The following TRIM5 variants were observed in gnomAD, a reference collection of about 807,000 sequenced individuals.
The protein encoded by TRIM5 is tripartite motif containing 5, also known as tripartite motif-containing protein 5.
A neutral mutation model predicts 35.6 loss-of-function variants in TRIM5; 31 were observed. The ratio of observed to expected loss-of-function variants is 0.87; its 90% CI spans 0.65 to 1.18. The LOEUF (loss-of-function observed/expected upper bound fraction) is 1.18. TRIM5 is among the 50% of genes most tolerant of loss of function. The pLI, the probability that TRIM5 is intolerant of heterozygous loss-of-function variation, is 0.00. For synonymous variants in TRIM5, 243 were observed against 215.6 expected (o/e 1.13, Z -1.11); for missense variants, 609 against 591.6 (o/e 1.03, Z -0.31).
chr11:5,641,862 T>C, the TRIM5 span, among the ~76,000 whole-genome samples: 3 of 152,190 alleles, frequency 2.0e-5, no homozygotes, highest in African/African-American at 7.2e-5. Context: ...ACTTCTCCTT[T>C]GCCGAGTGTT....
Position 5,665,000 on chromosome 11 carries a change from CAG to C in TRIM5, c.1289_1290del (p.Ser430CysfsTer6). 6.2e-7 allele frequency: 1 copy of C among 1,614,088 alleles called. No individual in the cohort carries two copies. Among genetic ancestry groups the C allele is most frequent in the Non-Finnish European group, 8.5e-7 (1 of 1,180,018 alleles). ...CCAACACGATCAGGACAAATAATCA[CAG>C]AGAGGGGCACAATGAAAGGAACAGA... ...TPSVPFIVPL[S>X]VIICPDRVGV... On this transcript the variant is annotated frameshift_variant, in exon 8 of 8. Coordinates refer to ENST00000380034, the MANE Select transcript of TRIM5 (RefSeq NM_033034.3). LOFTEE classifies it low-confidence loss of function (END_TRUNC).
chr11:5,680,306 G>T, intron 1 of TRIM5, 68 bp from the exon 2 acceptor site: 1 of 938,606 alleles, frequency 1.1e-6, no homozygotes, highest in Non-Finnish European at 1.5e-6. Context: ...TATTGATTGT[G>T]CACAATTAGA....
At position 5,678,356 on chromosome 11, in the gene TRIM5, T is replaced by G. The variant is rs368446405; in HGVS notation, c.592A>C (p.Asn198His). The G allele has an allele frequency of 2.5e-6, 4 of 1,613,250 alleles. No individual in the cohort carries two copies. The African/African-American group carries it at 4.0e-5, about 16-fold the overall frequency. Residue 198 changes from asparagine to histidine, a missense_variant, in exon 4 of 8, where the codon AAT (asparagine) becomes CAT (histidine). Transcript: ENST00000380034. ...TCCTTCTCCAGGTTTTGCAGCTCATTGCTCTCCTCCCAGTCCAGGATGTCT... is the reference window on the plus strand; with the variant it reads ...TCCTTCTCCAGGTTTTGCAGCTCATGGCTCTCCTCCCAGTCCAGGATGTCT... ...LRDILDWEES[N>H]ELQNLEKEEE... is the part of the protein sequence containing the mutation.
chr11:5,620,686 C>A, the TRIM5 span, among the ~76,000 whole-genome samples: 1 of 152,114 alleles, frequency 6.6e-6, no homozygotes, highest in African/African-American at 2.4e-5. Context: ...TTATGCCTTA[C>A]GGTGGGAGGG....
At chr11:5,643,804 C>A in the TRIM5 span, 1 of 1,475,822 alleles carries the variant, frequency 6.8e-7, no homozygotes. Context: ...CTTGTGGTTT[C>A]CCTTCTTTAG....
At chr11:5,614,352 G>A in the TRIM5 span, among the ~76,000 whole-genome samples, 1 of 152,192 alleles carries the variant, frequency 6.6e-6, no homozygotes, top group African/African-American at 2.4e-5. Context: ...TGGCAGAAAG[G>A]TGAAGAAAAC....
chr11:5,680,093 C>A lies in TRIM5; in HGVS notation c.85G>T (p.Asp29Tyr). 6.2e-7 allele frequency: 1 copy of A among 1,614,120 alleles called. No individual in the cohort carries two copies. Among genetic ancestry groups the A allele is most frequent in the Non-Finnish European group, 8.5e-7 (1 of 1,180,024 alleles). Residue 29 changes from aspartate (D) to tyrosine (Y), a missense_variant, in exon 2 of 8, where the codon GAC becomes TAC. Asp to Tyr is a radical substitution (Grantham distance 160, BLOSUM62 -3). Transcript: ENST00000380034. The stretch of plus-strand genomic sequence containing the variant: ...GCTTGGCAGAAGCTGTGGCCGCAGT[C>A]CAGGCTCAGGGGTTGTGTCAGGAGT... ...LELLTQPLSL[D>Y]CGHSFCQACL...
At chr11:5,670,209 ACT>A (rs1851472382) in intron 4 of TRIM5, among the ~76,000 whole-genome samples, 1 of 105,390 alleles carries the variant, frequency 9.5e-6, no homozygotes, top group African/African-American at 3.9e-5. Flanking sequence ...ATGGAGTCTC[ACT>A]CTGTCACCCA....
At chr11:5,633,852 G>A in the TRIM5 span, 2 of 1,614,120 alleles carry the variant, frequency 1.2e-6, no homozygotes, top group Non-Finnish European at 1.7e-6. Flanking sequence ...AGAGGAGGAA[G>A]CTGAGAAGCT....
the TRIM5 span, among the ~76,000 whole-genome samples, chr11:5,638,251 G>T: frequency 3.9e-5 from 6 of 152,270 alleles, no homozygotes; most frequent in Admixed American, 3.9e-4. Context: ...GATTCAAGTT[G>T]CTATCAACTA....
At chr11:5,610,579 C>T in the TRIM5 span, 1 of 1,609,968 alleles carries the variant, frequency 6.2e-7, no homozygotes, top group Non-Finnish European at 8.5e-7. Context: ...GAAGCCATGG[C>T]CTCTTTGGGC....
the TRIM5 span, chr11:5,603,346 G>A: frequency 2.5e-6 from 4 of 1,614,140 alleles, no homozygotes; most frequent in South Asian, 4.4e-5. Context: ...CATACGAGAA[G>A]AGGTGACCTG....
the TRIM5 span, among the ~76,000 whole-genome samples, chr11:5,614,725 C>T: frequency 6.6e-6 from 1 of 152,166 alleles, no homozygotes; most frequent in Admixed American, 6.5e-5. Flanking sequence ...CAAGCGAGTG[C>T]TTGTTAGAGC....
chr11:5,666,090 TAAAA>T lies in TRIM5; in HGVS notation c.768-13_768-10del. ...AGGTCACGTTCTCCGTCCTAAGAAT[TAAAA>T]AAAAAAAAAAAAACTTCCAAACCTT... On this transcript the variant is annotated splice_polypyrimidine_tract_variant and intron_variant, in intron 5 of 7. Coordinates refer to ENST00000380034, the MANE Select transcript of TRIM5 (RefSeq NM_033034.3). 13 of 1,381,674 alleles carry T rather than the reference TAAAA, an allele frequency of 9.4e-6. No homozygotes were observed. The highest frequency in any genetic ancestry group is 2.5e-5 in the East Asian group (1 of 39,894). The allele number at this position is 1,381,674 out of a possible 1,614,324, so 85.6% of individuals were successfully genotyped here.
At chr11:5,660,933 T>G (rs1173626712), downstream of TRIM5, among the ~76,000 whole-genome samples, 1 of 150,772 alleles carries the variant, frequency 6.6e-6, no homozygotes, top group Non-Finnish European at 1.5e-5. Context: ...TGCCAGCTAC[T>G]CGGGAGACTG....
At chr11:5,604,617 A>G in the TRIM5 span, 1,018,097 of 1,611,252 alleles carry the variant, frequency 0.63, 324,704 homozygotes, top group East Asian at 0.76. Flanking sequence ...GAGAGAAGAA[A>G]ACATCCTGGA....
chr11:5,654,609 G>A, the TRIM5 span, among the ~76,000 whole-genome samples: 1 of 152,132 alleles, frequency 6.6e-6, no homozygotes, highest in African/African-American at 2.4e-5. Flanking sequence ...CATGGGAGCT[G>A]GTGGTGGCAG....
chr11:5,673,992 AC>A (rs1208921467), intron 4 of TRIM5, among the ~76,000 whole-genome samples: 5 of 152,152 alleles, frequency 3.3e-5, no homozygotes, highest in Admixed American at 2.0e-4. Context: ...TAGAAAAGGA[AC>A]AACAAAAAAC....
chr11:5,674,664 G>A (rs1297514637), intron 4 of TRIM5, among the ~76,000 whole-genome samples: 1 of 152,228 alleles, frequency 6.6e-6, no homozygotes, highest in Admixed American at 6.5e-5. Flanking sequence ...CTCAGTCTAC[G>A]AGCTATCTAA....
Sources: gnomAD v4.1 joint callset for allele counts (sites outside exome capture counted in the v4.1 genomes callset) on GRCh38, gnomAD v4.1.1 for gene constraint, MANE v1.5 for transcripts, NCBI Gene and HGNC (gene_info 2026-07-23, HGNC 2026-07-21) for gene names.